Variants in CROCC2 observed in about 807,000 individuals in gnomAD.
CROCC2 encodes the protein ciliary rootlet coiled-coil protein 2.
Under a neutral mutation model 177.6 loss-of-function variants are expected in CROCC2, and 163 were observed. The ratio of observed to expected loss-of-function variants is 0.92; its 90% CI spans 0.81 to 1.05. CROCC2 has a LOEUF of 1.05. Ranked by LOEUF, CROCC2 falls within the 50% of genes least tolerant of loss-of-function variation. The pLI, the probability that CROCC2 is intolerant of heterozygous loss-of-function variation, is 0.00. For missense variants in CROCC2, 1,929 were observed against 1,797.8 expected (o/e 1.07, Z -1.32); for synonymous variants, 904 against 787.3 (o/e 1.15, Z -2.48).
chr2:240,956,352 C>T (rs1231664062), intron 19 of CROCC2: 2 of 225,106 alleles, frequency 8.9e-6, no homozygotes, highest in African/African-American at 2.2e-5. Context: ...GAGCACCAGC[C>T]TTGTGGAACT....
chr2:240,956,016 C>A, intron 19 of CROCC2, 44 bp downstream of exon 19: 2 of 1,425,946 alleles, frequency 1.4e-6, no homozygotes, highest in Non-Finnish European at 1.9e-6. Flanking sequence ...CAAGCAGGTG[C>A]TGGCAGACCC....
At chr2:240,986,909 G>C (rs371174149) in intron 28 of CROCC2, among the ~76,000 whole-genome samples, 1 of 152,192 alleles carries the variant, frequency 6.6e-6, no homozygotes, top group Non-Finnish European at 1.5e-5. Context: ...CCCCAGAGCA[G>C]GGTGGCCCTT....
At chr2:240,962,697 C>A (rs74001716) in intron 20 of CROCC2, among the ~76,000 whole-genome samples, 11,007 of 152,228 alleles carry the variant, frequency 0.072, 1,299 homozygotes, top group African/African-American at 0.25. Context: ...GCTACCTCCG[C>A]CTCCTCCTCT....
Position 240,933,682 on chromosome 2 carries a change from T to C in CROCC2, c.1476T>C (p.Ala492=). The change falls in exon 11 of 32, where the codon GCT becomes GCC. Residue 492 remains alanine (A), a synonymous_variant. Transcript: ENST00000690015. Reference sequence around the variant, plus strand: ...CCACCATCCCCAGGGAGAAGGCTGCTCTGGAGATGGTGGTGGAGGAGCTGA... The same window carrying C: ...CCACCATCCCCAGGGAGAAGGCTGCCCTGGAGATGGTGGTGGAGGAGCTGA... The part of the protein sequence containing the change: ...SCKLLGREKA[A]LEMVVEELKG... The C allele has an allele frequency of 6.5e-7, 1 of 1,550,244 alleles. No homozygotes were observed. The highest frequency in any genetic ancestry group is 8.7e-7 in the Non-Finnish European group (1 of 1,146,796).
chr2:240,959,772 C>G, intron 20 of CROCC2: 1 of 208,290 alleles, frequency 4.8e-6, no homozygotes, highest in Non-Finnish European at 9.5e-6. Context: ...AGTTTGACTT[C>G]AGGGTGAAAG....
Position 240,946,163 on chromosome 2 carries a change from C to G in CROCC2, c.2273C>G (p.Ala758Gly). Residue 758 changes from alanine (A) to glycine (G), a missense_variant, in exon 15 of 32, where the codon GCT becomes GGT. Ala to Gly is a moderately conservative substitution (Grantham distance 60). Transcript: ENST00000690015. The part of the protein sequence containing the change: ...TLQQALQGKD[A>G]LSEERAQLLA... ...CAGCAAGCCCTGCAAGGAAAGGATGCTCTGTCTGAGGAGCGGGCCCAGCTG... is the reference window on the plus strand; with the variant it reads ...CAGCAAGCCCTGCAAGGAAAGGATGGTCTGTCTGAGGAGCGGGCCCAGCTG... 6.5e-7 allele frequency: 1 copy of G among 1,548,742 alleles called. No individual in the cohort carries two copies. The highest frequency in any genetic ancestry group is 8.7e-7 in the Non-Finnish European group (1 of 1,145,420).
At chr2:240,939,440 A>G (rs1427610834) in intron 14 of CROCC2, among the ~76,000 whole-genome samples, 1 of 151,886 alleles carries the variant, frequency 6.6e-6, no homozygotes, top group Non-Finnish European at 1.5e-5. Context: ...TTTGTGAGTA[A>G]TATTTCTGTA....
chr2:240,916,699 C>T (rs1315641656), intron 1 of CROCC2, among the ~76,000 whole-genome samples: 2 of 152,200 alleles, frequency 1.3e-5, no homozygotes, highest in South Asian at 2.1e-4. Context: ...GTTTACTCCG[C>T]GCTGCAGCCT....
chr2:240,925,367 G>A (rs59374562), intron 4 of CROCC2, among the ~76,000 whole-genome samples: 4,693 of 152,170 alleles, frequency 0.031, 233 homozygotes, highest in African/African-American at 0.11. Context: ...GCGTCACCCC[G>A]CCCCGCGAAA....
At chr2:240,933,879 G>C in intron 11 of CROCC2, 27 bp downstream of exon 11, 1 of 1,534,738 alleles carries the variant, frequency 6.5e-7, no homozygotes, top group Non-Finnish European at 8.8e-7. Context: ...GGGTGGGCAG[G>C]GCCCCTCCCA....
At position 240,955,834 on chromosome 2, in the gene CROCC2, C is replaced by T. The variant is rs936471081; in HGVS notation, c.2830-25C>T. ...CTCCCCCGAGACTCCCCAACTTTCT[C>T]ACAAGCATACCCCGTCCTGTTCAGG... On this transcript the variant is annotated intron_variant, in intron 18 of 31. Coordinates refer to ENST00000690015, the MANE Select transcript of CROCC2 (RefSeq NM_001351305.2). The T allele has an allele frequency of 5.3e-6, 8 of 1,509,428 alleles. No homozygotes were observed. The Admixed American group carries it at 7.9e-5, about 15-fold the overall frequency. The allele number at this position is 1,509,428 out of a possible 1,614,324, so 93.5% of individuals were successfully genotyped here. A position where few individuals can be genotyped will look rare whatever the true frequency, so the allele number is the denominator to read the frequency against.
In CROCC2 at chr2:240,918,926, C is replaced by T. The variant is rs79061415; in HGVS notation, c.229+50C>T. On this transcript the variant is annotated intron_variant, in intron 2 of 31. Coordinates refer to ENST00000690015, the MANE Select transcript of CROCC2 (RefSeq NM_001351305.2). The surrounding 1 kb of genome is among the most constrained non-coding windows in gnomAD (Gnocchi z 6.3). ...GGCCCGGGGCTGGCCAAGGTGACGG[C>T]GTGGGGGACAGTCCTGGGCCCGGTG... 2.1e-5 allele frequency: 14 copies of T among 661,626 alleles called. No homozygotes were observed. Among genetic ancestry groups the T allele is most frequent in the African/African-American group, 1.6e-4 (8 of 49,548 alleles). 41.0% of individuals were successfully genotyped at this position (661,626 alleles called of 1,614,324 possible).
At chr2:240,936,761 G>A (rs920299111) in intron 14 of CROCC2, among the ~76,000 whole-genome samples, 2 of 152,194 alleles carry the variant, frequency 1.3e-5, no homozygotes, top group Admixed American at 6.5e-5. Flanking sequence ...TGTGGCTTAT[G>A]TCTAGGTCCA....
rs938767939 is a variant in CROCC2 at position 240,960,543 on chromosome 2, C to T, written c.3087+1099C>T. Among the ~76,000 whole-genome samples, 2 of 151,844 alleles carry T rather than the reference C, an allele frequency of 1.3e-5. No individual in the cohort carries two copies. Among genetic ancestry groups the T allele is most frequent in the African/African-American group, 2.4e-5 (1 of 41,332 alleles). On this transcript the variant is annotated intron_variant, in intron 20 of 31. Transcript: ENST00000690015. The surrounding 1 kb of genome is among the most constrained non-coding windows in gnomAD (Gnocchi z 5.0). Reference sequence around the variant, plus strand: ...TGTGTGGCAAGGGCAGGAGGGCACGCGGATCTGGGCTAGAGGAGGGGAGGG... The same window carrying T: ...TGTGTGGCAAGGGCAGGAGGGCACGTGGATCTGGGCTAGAGGAGGGGAGGG...
intron 19 of CROCC2, 175 bp from the exon 20 acceptor site, chr2:240,959,126 T>G: frequency 1.5e-6 from 1 of 672,846 alleles, no homozygotes. Context: ...CAGCAGCCTG[T>G]TTGACAGTTT....
chr2:240,984,065 C>T (rs2106491366), intron 28 of CROCC2, among the ~76,000 whole-genome samples: 1 of 152,296 alleles, frequency 6.6e-6, no homozygotes, highest in Non-Finnish European at 1.5e-5. Context: ...CCAGGAAGAG[C>T]TCAGTGGTCA....
chr2:240,981,171 C>T (rs2059796220), intron 27 of CROCC2, among the ~76,000 whole-genome samples: 1 of 148,944 alleles, frequency 6.7e-6, no homozygotes, highest in Non-Finnish European at 1.5e-5. Context: ...CCTCTGGAGC[C>T]CAGGCTCATC....
rs755430209 is a variant in CROCC2, at chr2:240,933,689, A to T, written c.1483A>T (p.Met495Leu). Residue 495 changes from methionine to leucine, a missense_variant, in exon 11 of 32, where the codon ATG (methionine) becomes TTG (leucine). Physicochemically the swap from Met to Leu is conservative, Grantham distance 15. Transcript: ENST00000690015. ...LLGREKAALE[M>L]VVEELKGKAD... ...CCCCAGGGAGAAGGCTGCTCTGGAG[A>T]TGGTGGTGGAGGAGCTGAAAGGGAA... 32 of 1,550,086 alleles carry T rather than the reference A, an allele frequency of 2.1e-5. No individual in the cohort carries two copies. The South Asian group carries it at 3.6e-4, about 17-fold the overall frequency.
intron 28 of CROCC2, 93 bp downstream of exon 28, chr2:240,983,122 T>C: frequency 7.8e-7 from 1 of 1,281,520 alleles, no homozygotes; most frequent in Non-Finnish European, 1.1e-6. Context: ...GCAGAATCAG[T>C]CCCTCAACAT....
Sources: allele counts gnomAD v4.1 joint callset (sites outside exome capture counted in the v4.1 genomes callset), GRCh38; gene constraint gnomAD v4.1.1; non-coding constraint Gnocchi (gnomAD v3.1); transcripts MANE v1.5; gene names NCBI Gene and HGNC (gene_info 2026-07-23, HGNC 2026-07-21).